Variants in BICDL1 observed in about 807,000 individuals in gnomAD.
BICDL1 encodes the protein BICD family-like cargo adapter 1.
In BICDL1, 20 loss-of-function variants were observed where a neutral mutation model predicts 76.8. The observed-to-expected ratio is 0.26, with a 90% CI of 0.18 to 0.38. The LOEUF is 0.38. Ranked by LOEUF, BICDL1 falls within the 10% of genes least tolerant of loss-of-function variation. The pLI is 1.00. For synonymous variants in BICDL1, 383 were observed against 337.1 expected (o/e 1.14, Z -1.49); for missense variants, 700 against 798.6 (o/e 0.88, Z 1.49).
At chr12:119,995,239 T>A (rs1951617239) in intron 1 of BICDL1, among the ~76,000 whole-genome samples, 1 of 152,236 alleles carries the variant, frequency 6.6e-6, no homozygotes, top group Non-Finnish European at 1.5e-5. Flanking sequence ...AATATAATTC[T>A]AGGAGAAACT....
At chr12:119,994,230 G>T (rs1951589001) in intron 1 of BICDL1, among the ~76,000 whole-genome samples, 1 of 152,002 alleles carries the variant, frequency 6.6e-6, no homozygotes, top group Non-Finnish European at 1.5e-5. Flanking sequence ...TTTTTTAAGA[G>T]GAAGAACAAA....
rs1875185487 is a variant in BICDL1 at position 120,093,740 on chromosome 12, A to AAG, written c.*582_*583dup. The AAG allele has an allele frequency of 5.7e-6, 1 of 174,722 alleles. No homozygotes were observed. The highest frequency in any genetic ancestry group is 2.4e-5 in the African/African-American group (1 of 41,756). 10.8% of individuals were successfully genotyped at this position (174,722 alleles called of 1,614,324 possible). A position where few individuals can be genotyped will look rare whatever the true frequency, so the allele number is the denominator to read the frequency against. On this transcript the variant is annotated 3_prime_UTR_variant, in exon 10 of 10. Coordinates refer to ENST00000548673, the MANE Select transcript of BICDL1 (RefSeq NM_001367886.1). Reference sequence around the variant, plus strand: ...GGCCAAGCCTCTGGCCGCAGGGTCTAAGAGCCGGGGCTTACCCAAGCTCAG... The same window carrying AAG: ...GGCCAAGCCTCTGGCCGCAGGGTCTAAGAGAGCCGGGGCTTACCCAAGCTCAG...
intron 2 of BICDL1, among the ~76,000 whole-genome samples, chr12:120,004,459 G>T (rs1037744286): frequency 6.6e-6 from 1 of 152,210 alleles, no homozygotes; most frequent in African/African-American, 2.4e-5. Context: ...GAGATAGGGA[G>T]GGTGATAAAG....
chr12:120,091,718 CCCA>C (rs1291123684), intron 9 of BICDL1: 1 of 985,182 alleles, frequency 1.0e-6, no homozygotes, highest in African/African-American at 1.7e-5. Context: ...TCACTGCTAC[CCCA>C]CGATGACTCA....
At chr12:120,009,393 GAACGCCTAAAGTTCTAGTATATTGGGCC>G (rs1226279140) in intron 2 of BICDL1, among the ~76,000 whole-genome samples, 1 of 152,154 alleles carries the variant, frequency 6.6e-6, no homozygotes, top group Non-Finnish European at 1.5e-5. Flanking sequence ...TTCCAAAGAG[GAACGCCTAAAGTTCTAGTATATTGGGCC>G]TAAATTTTGG....
intron 8 of BICDL1, among the ~76,000 whole-genome samples, chr12:120,083,698 T>C (rs7305625): frequency 0.33 from 50,461 of 151,462 alleles, 11,291 homozygotes; most frequent in African/African-American, 0.63. Flanking sequence ...CTTGCTCTGT[T>C]GCCTAGGCTG....
intron 2 of BICDL1, among the ~76,000 whole-genome samples, chr12:120,054,632 T>C (rs190469861): frequency 1.1e-3 from 168 of 152,188 alleles, no homozygotes; most frequent in African/African-American, 3.7e-3. Flanking sequence ...ATCCCAACAC[T>C]TTGGGAGGCT....
At chr12:120,024,945 T>C (rs981428321) in intron 2 of BICDL1, among the ~76,000 whole-genome samples, 16 of 152,130 alleles carry the variant, frequency 1.1e-4, no homozygotes, top group African/African-American at 3.9e-4. Context: ...CCCAAAATAC[T>C]GGGATCACAG....
At chr12:120,080,078 G>T (rs934802229) in intron 7 of BICDL1, among the ~76,000 whole-genome samples, 6 of 152,222 alleles carry the variant, frequency 3.9e-5, no homozygotes, top group Non-Finnish European at 7.3e-5. Context: ...TTGGGATTAA[G>T]CACCCTACAC....
At chr12:120,032,498 C>T (rs1429353480) in intron 2 of BICDL1, among the ~76,000 whole-genome samples, 1 of 152,188 alleles carries the variant, frequency 6.6e-6, no homozygotes, top group East Asian at 1.9e-4. Context: ...CATTGTAGCC[C>T]ACAGTGATTA....
intron 2 of BICDL1, among the ~76,000 whole-genome samples, chr12:120,059,242 G>A (rs998606910): frequency 2.6e-5 from 4 of 151,874 alleles, no homozygotes; most frequent in African/African-American, 7.3e-5. Context: ...CTATAGGCAC[G>A]CACCACCATG....
At chr12:120,092,796 G>A (rs903990737) in intron 9 of BICDL1, 24 of 985,348 alleles carry the variant, frequency 2.4e-5, no homozygotes, top group Non-Finnish European at 2.9e-5. Context: ...AGCCTGAGGA[G>A]GCTGGAGGTG....
intron 2 of BICDL1, among the ~76,000 whole-genome samples, chr12:120,009,839 G>T (rs572153613): frequency 1.1e-4 from 17 of 152,320 alleles, no homozygotes; most frequent in South Asian, 2.1e-4. Flanking sequence ...AGAAAAGCAA[G>T]TAATGTTTTG....
chr12:120,036,900 A>G (rs1476587938), intron 2 of BICDL1, among the ~76,000 whole-genome samples: 3 of 152,166 alleles, frequency 2.0e-5, no homozygotes, highest in Admixed American at 1.3e-4. Context: ...ACAGACAACT[A>G]TTGGTGAATC....
Position 120,006,604 on chromosome 12 carries a change from A to G in BICDL1, c.645+7868A>G, listed in dbSNP as rs184599505. 3.9e-5 allele frequency among the ~76,000 whole-genome samples: 6 copies of G among 152,280 alleles called. No individual in the cohort carries two copies. In the East Asian group the frequency reaches 1.2e-3, roughly 29 times the overall value. On this transcript the variant is annotated intron_variant, in intron 2 of 9. Transcript: ENST00000548673. ...TTTTTGATAGGATTCTCAGGAAGGA[A>G]CCTTTGGGGAGGTGAAGTTTGAGCA...
intron 2 of BICDL1, among the ~76,000 whole-genome samples, chr12:120,004,042 A>G (rs1328173253): frequency 6.6e-6 from 1 of 152,210 alleles, no homozygotes; most frequent in Non-Finnish European, 1.5e-5. Flanking sequence ...AGAGGTTCTC[A>G]TTTGGAAAGC....
At chr12:120,042,994 C>T (rs1452377415) in intron 2 of BICDL1, among the ~76,000 whole-genome samples, 1 of 152,068 alleles carries the variant, frequency 6.6e-6, no homozygotes, top group Admixed American at 6.6e-5. Context: ...TGTAGTAGCA[C>T]TCTCATTGGC....
At chr12:120,077,877 G>A (rs1012260096) in intron 7 of BICDL1, among the ~76,000 whole-genome samples, 20 of 151,958 alleles carry the variant, frequency 1.3e-4, no homozygotes, top group African/African-American at 3.9e-4. Flanking sequence ...GTTCTGGGTG[G>A]GTTCCCATTA....
chr12:120,091,149 C>A, intron 9 of BICDL1: 4 of 1,214,488 alleles, frequency 3.3e-6, no homozygotes, highest in Non-Finnish European at 4.2e-6. Context: ...GTGTGACATG[C>A]CCTCAAGTCC....
Sources: gnomAD v4.1 joint callset for allele counts (sites outside exome capture counted in the v4.1 genomes callset) on GRCh38, gnomAD v4.1.1 for gene constraint, MANE v1.5 for transcripts, NCBI Gene and HGNC (gene_info 2026-07-23, HGNC 2026-07-21) for gene names.